CNTNAP5: variants seen among roughly 807,000 people sequenced by gnomAD.
CNTNAP5 encodes contactin associated protein family member 5, also known as contactin-associated protein-like 5.
In CNTNAP5, 72 loss-of-function variants were observed where a neutral mutation model predicts 150.2. That is an observed-to-expected ratio of 0.48 (90% CI 0.40 to 0.58). The LOEUF is 0.58. Ranked by LOEUF, CNTNAP5 falls within the 20% of genes least tolerant of loss-of-function variation. The probability of loss-of-function intolerance (pLI) is 0.00; values close to 1 mark genes in which losing one functional copy is unlikely to be tolerated. For synonymous variants in CNTNAP5, 672 were observed against 619.8 expected (o/e 1.08, Z -1.25); for missense variants, 1,636 against 1,626.2 (o/e 1.01, Z -0.10).
chr2:124,296,062 C>CCCTT (rs1349861252), intron 3 of CNTNAP5, among the ~76,000 whole-genome samples: 2 of 152,102 alleles, frequency 1.3e-5, no homozygotes, highest in Non-Finnish European at 2.9e-5. Context: ...CCCTTCTATT[C>CCCTT]ATATTTTGGC....
chr2:124,103,147 AAC>A (rs1285369346), intron 1 of CNTNAP5, among the ~76,000 whole-genome samples: 9 of 152,206 alleles, frequency 5.9e-5, no homozygotes, highest in African/African-American at 1.7e-4. Flanking sequence ...AAAAAAAATT[AAC>A]AGTTAGTTAA....
intron 21 of CNTNAP5, among the ~76,000 whole-genome samples, chr2:124,886,024 G>A (rs984465638): frequency 3.9e-5 from 6 of 151,934 alleles, no homozygotes; most frequent in African/African-American, 1.5e-4. Flanking sequence ...ATTAACACGC[G>A]AGGGCTAGCC....
chr2:124,579,490 C>A (rs1696364109), intron 11 of CNTNAP5, among the ~76,000 whole-genome samples: 1 of 152,218 alleles, frequency 6.6e-6, no homozygotes, highest in African/African-American at 2.4e-5. Context: ...GACTGCTTAG[C>A]TAAAACAAGT....
intron 1 of CNTNAP5, among the ~76,000 whole-genome samples, chr2:124,111,252 G>A (rs2104705829): frequency 6.6e-6 from 1 of 152,276 alleles, no homozygotes; most frequent in Non-Finnish European, 1.5e-5. Context: ...TGAGAGTTTA[G>A]AGTGCATTTG....
chr2:124,891,430 G>A (rs1678192357), intron 21 of CNTNAP5, among the ~76,000 whole-genome samples: 1 of 152,092 alleles, frequency 6.6e-6, no homozygotes, highest in South Asian at 2.1e-4. Context: ...AAGAGGAAGG[G>A]AAATAGACCC....
intron 1 of CNTNAP5, among the ~76,000 whole-genome samples, chr2:124,174,622 T>G (rs1479459381): frequency 6.6e-6 from 1 of 152,210 alleles, no homozygotes; most frequent in Non-Finnish European, 1.5e-5. Flanking sequence ...ACGTTGCTAC[T>G]TATGGATGAG....
chr2:124,901,579 A>G (rs1678414300), intron 21 of CNTNAP5, among the ~76,000 whole-genome samples: 1 of 152,176 alleles, frequency 6.6e-6, no homozygotes, highest in South Asian at 2.1e-4. Context: ...GTCAAGAATT[A>G]ATGCAGCCTT....
chr2:124,254,460 G>A (rs1687260676), intron 3 of CNTNAP5, among the ~76,000 whole-genome samples: 2 of 152,166 alleles, frequency 1.3e-5, no homozygotes, highest in South Asian at 4.1e-4. Context: ...GGGTGATGCT[G>A]CTAAGCATGC....
At position 124,781,719 on chromosome 2, in the gene CNTNAP5, G is replaced by A. The variant is rs992996258; in HGVS notation, c.2753-8183G>A. 4.6e-5 allele frequency among the ~76,000 whole-genome samples: 7 copies of A among 152,174 alleles called. No homozygotes were observed. In the East Asian group the frequency reaches 5.8e-4, roughly 13 times the overall value. ...GGAGCCCTGCTTTGGACTCGGGTTC[G>A]TCTTAAAATAGTGAGATGGTACTTC... On this transcript the variant is annotated intron_variant, in intron 17 of 23. Transcript: ENST00000682447.
Position 124,686,630 on chromosome 2 carries a change from G to C in CNTNAP5, c.2077+38672G>C, listed in dbSNP as rs751035674. On this transcript the variant is annotated intron_variant, in intron 13 of 23. Transcript: ENST00000682447. The stretch of plus-strand genomic sequence containing the variant: ...GACATTCCAATCCCAGCTGCCATCT[G>C]ACTGCAGAAGTTTGGGAAGCTCCAA... 2.0e-5 allele frequency among the ~76,000 whole-genome samples: 3 copies of C among 152,108 alleles called. No homozygotes were observed. The South Asian group carries it at 6.2e-4, about 31-fold the overall frequency.
chr2:124,103,698 G>A (rs555529120), intron 1 of CNTNAP5, among the ~76,000 whole-genome samples: 5 of 151,904 alleles, frequency 3.3e-5, no homozygotes, highest in East Asian at 1.9e-4. Flanking sequence ...GTCTAGATGC[G>A]TGTAAGGACA....
intron 11 of CNTNAP5, among the ~76,000 whole-genome samples, chr2:124,580,922 C>T (rs922233985): frequency 9.2e-5 from 14 of 152,102 alleles, no homozygotes; most frequent in African/African-American, 2.7e-4. Flanking sequence ...TGAGGAGAAG[C>T]GAGGCCTTAC....
chr2:124,243,687 C>G (rs1443548306), intron 3 of CNTNAP5, among the ~76,000 whole-genome samples: 1 of 152,060 alleles, frequency 6.6e-6, no homozygotes, highest in Non-Finnish European at 1.5e-5. Context: ...CGGCGAGAGT[C>G]CAAAATCTAC....
intron 3 of CNTNAP5, among the ~76,000 whole-genome samples, chr2:124,243,073 T>G (rs982087916): frequency 4.6e-5 from 7 of 152,124 alleles, no homozygotes; most frequent in Admixed American, 1.3e-4. Flanking sequence ...ACTGTGTGGG[T>G]GAAAGGCTGT....
At chr2:124,718,938 C>T (rs1045435055) in intron 13 of CNTNAP5, among the ~76,000 whole-genome samples, 1 of 143,014 alleles carries the variant, frequency 7.0e-6, no homozygotes, top group Non-Finnish European at 1.5e-5. Flanking sequence ...GAGCAAGACT[C>T]CATCTAAAAA....
At chr2:124,201,193 T>A (rs1685719071) in intron 1 of CNTNAP5, among the ~76,000 whole-genome samples, 1 of 152,188 alleles carries the variant, frequency 6.6e-6, no homozygotes, top group Admixed American at 6.5e-5. Context: ...GGTCACCTAA[T>A]AGGAACTGAG....
At chr2:124,786,628 AAGAG>A (rs770881142) in intron 17 of CNTNAP5, among the ~76,000 whole-genome samples, 1 of 151,938 alleles carries the variant, frequency 6.6e-6, no homozygotes, top group African/African-American at 2.4e-5. Flanking sequence ...AAAGAGAAAG[AAGAG>A]AGAGAGAGAA....
chr2:124,233,019 G>A (rs191818483), intron 2 of CNTNAP5, among the ~76,000 whole-genome samples: 11 of 147,948 alleles, frequency 7.4e-5, no homozygotes, highest in African/African-American at 2.0e-4. Flanking sequence ...CATTCATTTT[G>A]TGAGACTTTT....
intron 11 of CNTNAP5, among the ~76,000 whole-genome samples, chr2:124,571,540 T>TC (rs1558959248): frequency 1.2e-4 from 13 of 108,648 alleles, no homozygotes; most frequent in Non-Finnish European, 1.7e-4. Context: ...TTTTTTTTTT[T>TC]TTTTTTTTGA....
Sources: gnomAD v4.1 joint callset for allele counts (sites outside exome capture counted in the v4.1 genomes callset) on GRCh38, gnomAD v4.1.1 for gene constraint, MANE v1.5 for transcripts, NCBI Gene and HGNC (gene_info 2026-07-23, HGNC 2026-07-21) for gene names.